The following NKAIN2 variants were observed in gnomAD, a reference collection of about 807,000 sequenced individuals.
The protein encoded by NKAIN2 is sodium/potassium-transporting ATPase subunit beta-1-interacting protein 2.
NKAIN2 carries 14 observed loss-of-function variants against 32.6 expected under a neutral mutation model. The observed-to-expected ratio is 0.43, with a 90% CI of 0.28 to 0.67. The LOEUF (loss-of-function observed/expected upper bound fraction) is 0.67. NKAIN2 is among the 30% of genes least tolerant of loss of function. The pLI is 0.17. For missense variants in NKAIN2, 198 were observed against 258.3 expected, an observed-to-expected ratio of 0.77 and a Z score of 1.60; for synonymous variants, 80 against 87.2, an observed-to-expected ratio of 0.92 and a Z score of 0.46.
At chr6:124,742,992 G>A (rs1777288920) in intron 4 of NKAIN2, among the ~76,000 whole-genome samples, 1 of 151,892 alleles carries the variant, frequency 6.6e-6, no homozygotes, top group Admixed American at 6.6e-5. Flanking sequence ...CAAGGACAAT[G>A]ATGTTATTAA....
intron 1 of NKAIN2, among the ~76,000 whole-genome samples, chr6:124,192,719 A>C (rs1040806140): frequency 1.3e-4 from 9 of 67,372 alleles, no homozygotes; most frequent in Admixed American, 3.0e-4. Flanking sequence ...GGTGTTGTCT[A>C]TTTCTCTCCT....
At chr6:124,730,091 T>C (rs1776579636) in intron 4 of NKAIN2, among the ~76,000 whole-genome samples, 1 of 93,360 alleles carries the variant, frequency 1.1e-5, no homozygotes, top group Non-Finnish European at 2.1e-5. Context: ...CATTCCATGC[T>C]CATGAGCAGG....
intron 2 of NKAIN2, among the ~76,000 whole-genome samples, chr6:124,350,445 A>G (rs770961642): frequency 1.3e-5 from 2 of 152,222 alleles, no homozygotes; most frequent in Non-Finnish European, 2.9e-5. Flanking sequence ...AAAAAAGAAA[A>G]TAGGATTAAG....
intron 3 of NKAIN2, among the ~76,000 whole-genome samples, chr6:124,569,013 T>C (rs1490337002): frequency 1.3e-5 from 2 of 152,178 alleles, no homozygotes; most frequent in Non-Finnish European, 2.9e-5. Flanking sequence ...GGTTTTGGAA[T>C]CCTAAATTAA....
intron 3 of NKAIN2, among the ~76,000 whole-genome samples, chr6:124,648,806 CA>C (rs1191772045): frequency 6.6e-6 from 1 of 151,728 alleles, no homozygotes; most frequent in African/African-American, 2.4e-5. Context: ...AAAATCTACC[CA>C]AAAAATGTGA....
chr6:124,678,211 T>C (rs1773452874), intron 4 of NKAIN2, among the ~76,000 whole-genome samples: 1 of 152,200 alleles, frequency 6.6e-6, no homozygotes. Context: ...TTAATTGTAG[T>C]TGGAACTACA....
At chr6:124,500,331 A>T (rs1255503873) in intron 3 of NKAIN2, among the ~76,000 whole-genome samples, 1 of 152,030 alleles carries the variant, frequency 6.6e-6, no homozygotes, top group Non-Finnish European at 1.5e-5. Context: ...AAATGAGATG[A>T]CAACCCTTTT....
intron 4 of NKAIN2, among the ~76,000 whole-genome samples, chr6:124,785,957 T>C (rs1420393870): frequency 6.6e-6 from 1 of 152,136 alleles, no homozygotes; most frequent in Non-Finnish European, 1.5e-5. Flanking sequence ...TTTGTTGCTG[T>C]GGTTGGGGAG....
chr6:124,191,831 A>G (rs1185764731), intron 1 of NKAIN2, among the ~76,000 whole-genome samples: 1 of 152,166 alleles, frequency 6.6e-6, no homozygotes, highest in Non-Finnish European at 1.5e-5. Context: ...TTTCTTCAGT[A>G]TCTATCAAGA....
At chr6:124,093,276 G>A (rs1784510724) in intron 1 of NKAIN2, among the ~76,000 whole-genome samples, 1 of 152,194 alleles carries the variant, frequency 6.6e-6, no homozygotes, top group East Asian at 1.9e-4. Context: ...CGGAGAATCA[G>A]TTTATTGTTG....
intron 1 of NKAIN2, among the ~76,000 whole-genome samples, chr6:124,125,092 G>A (rs1786092983): frequency 1.3e-5 from 2 of 152,140 alleles, no homozygotes; most frequent in African/African-American, 4.8e-5. Flanking sequence ...GGGTTGCCAA[G>A]TCTAAATATT....
At chr6:124,178,392 G>A (rs1021138969) in intron 1 of NKAIN2, among the ~76,000 whole-genome samples, 1 of 151,732 alleles carries the variant, frequency 6.6e-6, no homozygotes, top group South Asian at 2.1e-4. Context: ...CCGCCTCCTG[G>A]GTTCACGCCA....
At chr6:124,707,583 G>A (rs1161920536) in intron 4 of NKAIN2, among the ~76,000 whole-genome samples, 1 of 134,358 alleles carries the variant, frequency 7.4e-6, no homozygotes, top group Non-Finnish European at 1.6e-5. Flanking sequence ...GCATTTCTCT[G>A]ATGGCCAGTG....
At position 123,841,208 on chromosome 6, in the gene NKAIN2, C is replaced by T. The variant is rs373858763; in HGVS notation, c.54+36954C>T. Among the ~76,000 whole-genome samples, 6 of 151,998 alleles carry T rather than the reference C, an allele frequency of 3.9e-5. 1 individual carries two copies. Among genetic ancestry groups the T allele is most frequent in the South Asian group, 4.1e-4 (2 of 4,820 alleles). ...AAACATCTTCTTTTTTCTTTTGCAC[C>T]GTATCTTTGGGAACTTTAACATAGC... is the stretch of plus-strand genomic sequence containing the variant. On this transcript the variant is annotated intron_variant, in intron 1 of 6. Coordinates refer to ENST00000368417, the MANE Select transcript of NKAIN2 (RefSeq NM_001040214.3).
chr6:123,820,706 G>A (rs1773888002), intron 1 of NKAIN2, among the ~76,000 whole-genome samples: 1 of 152,154 alleles, frequency 6.6e-6, no homozygotes, highest in South Asian at 2.1e-4. Flanking sequence ...TATGTATCTT[G>A]TAACTGAATT....
intron 5 of NKAIN2, among the ~76,000 whole-genome samples, chr6:124,809,141 T>A (rs1210913571): frequency 6.6e-6 from 1 of 152,136 alleles, no homozygotes; most frequent in African/African-American, 2.4e-5. Context: ...ACTTTAAAGT[T>A]CACATGGAAC....
intron 1 of NKAIN2, among the ~76,000 whole-genome samples, chr6:123,998,835 A>G (rs1008960430): frequency 3.4e-5 from 5 of 148,258 alleles, no homozygotes; most frequent in African/African-American, 1.2e-4. Context: ...ATATATGGTG[A>G]TGGTATCAAA....
chr6:124,232,683 A>G (rs1792522408), intron 1 of NKAIN2, among the ~76,000 whole-genome samples: 1 of 152,160 alleles, frequency 6.6e-6, no homozygotes, highest in Non-Finnish European at 1.5e-5. Context: ...GCTTACGTAA[A>G]ATATGCCCCA....
At chr6:124,163,943 T>C (rs940831363) in intron 1 of NKAIN2, among the ~76,000 whole-genome samples, 2 of 152,044 alleles carry the variant, frequency 1.3e-5, no homozygotes, top group African/African-American at 4.8e-5. Flanking sequence ...AGCAGGCTGT[T>C]ATAGACAACC....
Sources: allele counts gnomAD v4.1 joint callset (sites outside exome capture counted in the v4.1 genomes callset), GRCh38; gene constraint gnomAD v4.1.1; transcripts MANE v1.5; gene names NCBI Gene and HGNC (gene_info 2026-07-23, HGNC 2026-07-21).